NDST3: variants seen among roughly 807,000 people sequenced by gnomAD.
NDST3 encodes the protein N-deacetylase and N-sulfotransferase 3.
A neutral mutation model predicts 96.1 loss-of-function variants in NDST3; 58 were observed. The observed-to-expected ratio is 0.60, with a 90% confidence interval of 0.49 to 0.75. The LOEUF is 0.75. Among genes scored for constraint, NDST3 ranks in the 30% least tolerant of loss-of-function variants. NDST3 has a pLI of 0.00. For missense variants in NDST3, 788 were observed against 1,034.2 expected, an observed-to-expected ratio of 0.76 and a Z score of 3.27; for synonymous variants, 333 against 359.7, an observed-to-expected ratio of 0.93 and a Z score of 0.84.
At chr4:118,253,733 G>A (rs1741921261) in intron 13 of NDST3, 132 bp downstream of exon 13, 2 of 583,050 alleles carry the variant, frequency 3.4e-6, no homozygotes, top group South Asian at 2.7e-5. Flanking sequence ...TTCAATTTCA[G>A]TACAGGTAGG....
intron 6 of NDST3, among the ~76,000 whole-genome samples, chr4:118,212,491 G>GA (rs1288537535): frequency 6.6e-6 from 1 of 152,194 alleles, no homozygotes; most frequent in Non-Finnish European, 1.5e-5. Context: ...AGTGAGCTGT[G>GA]ATGGAGACGT....
At chr4:118,200,153 G>A (rs1359747598) in intron 6 of NDST3, among the ~76,000 whole-genome samples, 1 of 152,200 alleles carries the variant, frequency 6.6e-6, no homozygotes, top group Admixed American at 6.5e-5. Flanking sequence ...CCAAGCCCAA[G>A]CTCCAGGAGG....
chr4:118,080,273 G>C (rs1419528846), intron 2 of NDST3, among the ~76,000 whole-genome samples: 5 of 152,042 alleles, frequency 3.3e-5, no homozygotes, highest in Non-Finnish European at 4.4e-5. Flanking sequence ...TGTCCAAGTA[G>C]AGATGTGCAG....
At chr4:118,136,042 G>C (rs538348810) in intron 4 of NDST3, among the ~76,000 whole-genome samples, 192 of 152,288 alleles carry the variant, frequency 1.3e-3, no homozygotes, top group Non-Finnish European at 2.3e-3. Context: ...GGGTTCTGAA[G>C]ACACAGCTGA....
At chr4:118,155,112 T>G (rs529606667) in intron 6 of NDST3, among the ~76,000 whole-genome samples, 54 of 152,326 alleles carry the variant, frequency 3.5e-4, no homozygotes, top group African/African-American at 1.3e-3. Flanking sequence ...ACTTTTAAAT[T>G]TATAAAGCCA....
At chr4:118,099,231 T>C (rs1729581352) in intron 2 of NDST3, among the ~76,000 whole-genome samples, 1 of 152,166 alleles carries the variant, frequency 6.6e-6, no homozygotes, top group South Asian at 2.1e-4. Context: ...CCTAAGTCAC[T>C]CGGATTTCAA....
chr4:118,244,619 A>G (rs185484811), intron 12 of NDST3, among the ~76,000 whole-genome samples: 1 of 152,344 alleles, frequency 6.6e-6, no homozygotes, highest in Admixed American at 6.5e-5. Flanking sequence ...AGGTCTATAC[A>G]AATGTTTTGC....
chr4:118,081,523 T>C (rs1728016704), intron 2 of NDST3, among the ~76,000 whole-genome samples: 1 of 152,182 alleles, frequency 6.6e-6, no homozygotes, highest in African/African-American at 2.4e-5. Flanking sequence ...AAAATATGTG[T>C]GACAAGATCC....
intron 6 of NDST3, among the ~76,000 whole-genome samples, chr4:118,151,794 A>G (rs1000358769): frequency 1.1e-4 from 17 of 152,232 alleles, no homozygotes; most frequent in African/African-American, 4.1e-4. Flanking sequence ...ACTGGATTTT[A>G]AAATAGTGTT....
In NDST3 at chr4:118,221,992, TAA is replaced by T. The variant is rs200927146; in HGVS notation, c.1540-2487_1540-2486del. ...AATTTATTTTGATCAATTTTCCATC[TAA>T]AAAAAAAAAAACAAAAATAAAACCT... On this transcript the variant is annotated intron_variant, in intron 6 of 13. Transcript: ENST00000296499. Among the ~76,000 whole-genome samples the T allele has an allele frequency of 7.2e-4, 102 of 141,986 alleles. No homozygotes were observed. In the East Asian group the frequency reaches 7.3e-3, roughly 10 times the overall value. The allele number at this position is 141,986 out of a possible 152,430, so 93.1% of individuals were successfully genotyped here. A position where few individuals can be genotyped will look rare whatever the true frequency, so the allele number is the denominator to read the frequency against.
intron 2 of NDST3, among the ~76,000 whole-genome samples, chr4:118,078,480 G>A (rs1324212558): frequency 3.3e-5 from 5 of 152,100 alleles, no homozygotes; most frequent in African/African-American, 7.2e-5. Flanking sequence ...GGCCGGGCAC[G>A]GTGGCTCACA....
intron 2 of NDST3, among the ~76,000 whole-genome samples, chr4:118,058,521 G>GA (rs1725625279): frequency 6.7e-6 from 1 of 149,904 alleles, no homozygotes; most frequent in Admixed American, 6.7e-5. Context: ...AACCAAAGAA[G>GA]AAAATTGTTT....
At chr4:118,194,296 TTC>T in intron 6 of NDST3, 1 of 733,712 alleles carries the variant, frequency 1.4e-6, no homozygotes, top group South Asian at 1.5e-5. Context: ...AAGTCTGTAA[TTC>T]TGTAGATGAT....
chr4:118,105,610 A>G (rs7671232), intron 3 of NDST3, among the ~76,000 whole-genome samples: 114,512 of 152,094 alleles, frequency 0.75, 45,771 homozygotes, highest in South Asian at 0.92. Flanking sequence ...TTGTTTCAGA[A>G]ATATTACTGT....
At chr4:118,195,312 G>C (rs548739239) in intron 6 of NDST3, among the ~76,000 whole-genome samples, 3 of 152,282 alleles carry the variant, frequency 2.0e-5, no homozygotes, top group African/African-American at 7.2e-5. Context: ...GTGGGGCCAG[G>C]TGGAGATAAT....
Position 118,253,483 on chromosome 4 carries a change from TTC to T in NDST3, c.2400-14_2400-13del. ...TGATTTTCTGGTTTTTCTGTGTGTA[TTC>T]TTTTTTTTTTTAGGTTTGATTCTCA... On this transcript the variant is annotated splice_polypyrimidine_tract_variant and intron_variant, in intron 12 of 13. Transcript: ENST00000296499. The T allele has an allele frequency of 2.8e-6, 4 of 1,447,838 alleles. No homozygotes were observed. Among genetic ancestry groups the T allele is most frequent in the Non-Finnish European group, 3.7e-6 (4 of 1,079,238 alleles). The allele number at this position is 1,447,838 out of a possible 1,614,324, so 89.7% of individuals were successfully genotyped here.
chr4:118,112,250 C>G (rs973361995), intron 3 of NDST3, among the ~76,000 whole-genome samples: 6 of 151,994 alleles, frequency 3.9e-5, no homozygotes, highest in Non-Finnish European at 7.4e-5. Flanking sequence ...TTCAAAGAAC[C>G]CTGAGATCTG....
At chr4:118,083,013 T>C (rs1208519543) in intron 2 of NDST3, among the ~76,000 whole-genome samples, 1 of 151,990 alleles carries the variant, frequency 6.6e-6, no homozygotes, top group Non-Finnish European at 1.5e-5. Flanking sequence ...AAGCAGGAAA[T>C]CAACCCCACA....
At position 118,114,890 on chromosome 4, in the gene NDST3, T is replaced by G. The variant is rs147213654; in HGVS notation, c.1154T>G (p.Met385Arg). Residue 385 changes from methionine (M) to arginine (R), a missense_variant, in exon 4 of 14, where the codon ATG becomes AGG. Coordinates refer to ENST00000296499, the MANE Select transcript of NDST3 (RefSeq NM_004784.3). ...TGGTTTCCTCACATGTGGAGCCATA[T>G]GCAGCCCCACCTCTTCCACAATGAG... is the stretch of plus-strand genomic sequence containing the variant. ...FWWFPHMWSH[M>R]QPHLFHNESS... 1.2e-6 allele frequency: 2 copies of G among 1,614,028 alleles called. No individual in the cohort carries two copies. Among genetic ancestry groups the G allele is most frequent in the Admixed American group, 1.7e-5 (1 of 59,996 alleles).
Sources: allele counts gnomAD v4.1 joint callset (sites outside exome capture counted in the v4.1 genomes callset), GRCh38; gene constraint gnomAD v4.1.1; transcripts MANE v1.5; gene names NCBI Gene and HGNC (gene_info 2026-07-23, HGNC 2026-07-21).